RTRAF: variants seen among roughly 807,000 people sequenced by gnomAD.
The protein encoded by RTRAF is tRNA-splicing ligase complex subunit RTRAF.
In RTRAF, 14 loss-of-function variants were observed where a neutral mutation model predicts 34.4. The observed-to-expected ratio is 0.41, with a 90% confidence interval of 0.27 to 0.64. The LOEUF is 0.64. Ranked by LOEUF, RTRAF falls within the 30% of genes least tolerant of loss-of-function variation. RTRAF has a pLI of 0.34. For missense variants in RTRAF, 291 were observed against 288.4 expected, an observed-to-expected ratio of 1.01 and a Z score of -0.06; for synonymous variants, 96 against 95.3, an observed-to-expected ratio of 1.01 and a Z score of -0.04.
At chr14:51,989,771 C>G in intron 1 of RTRAF, 71 bp downstream of exon 1, 3 of 1,451,998 alleles carry the variant, frequency 2.1e-6, no homozygotes, top group South Asian at 1.3e-5. Context: ...GTGCCCGCAC[C>G]CCACCTCCCC....
chr14:51,998,533 C>T lies in RTRAF; in HGVS notation c.326C>T (p.Thr109Ile). 6.3e-7 allele frequency: 1 copy of T among 1,591,232 alleles called. No individual in the cohort carries two copies. Among genetic ancestry groups the T allele is most frequent in the Non-Finnish European group, 8.6e-7 (1 of 1,168,684 alleles). The stretch of plus-strand genomic sequence containing the variant: ...GATTTAGTACCTGATAATTCAAAAA[C>T]TGCTGACAATGCAACTAAAAATGCA... ...YKDLVPDNSK[T>I]ADNATKNAEP... The change falls in exon 4 of 8, where the codon ACT (threonine) becomes ATT (isoleucine). Residue 109 changes from threonine to isoleucine, a missense_variant. By Grantham distance (89) the Thr-to-Ile change is moderately conservative. Coordinates refer to ENST00000261700, the MANE Select transcript of RTRAF (RefSeq NM_016039.3).
chr14:51,990,733 A>G (rs1300438294), intron 1 of RTRAF, among the ~76,000 whole-genome samples: 2 of 152,210 alleles, frequency 1.3e-5, no homozygotes, highest in Non-Finnish European at 2.9e-5. Context: ...TAAACGAAAC[A>G]ATTATGCACT....
chr14:51,998,391 C>T, intron 3 of RTRAF, 103 bp from the exon 4 acceptor site: 1 of 614,026 alleles, frequency 1.6e-6, no homozygotes, highest in Non-Finnish European at 2.8e-6. Context: ...GTAAGGGAAA[C>T]TCAACCTGTA....
intron 3 of RTRAF, among the ~76,000 whole-genome samples, chr14:51,995,500 T>C (rs972188729): frequency 1.8e-4 from 27 of 152,252 alleles, no homozygotes; most frequent in African/African-American, 6.5e-4. Context: ...TCCTTAATTT[T>C]ATCATATTTG....
rs1890967166 is a variant in RTRAF at position 52,010,422 on chromosome 14, A to G, written c.*5906A>G. ...GTTTATCTTGATTTCTGCTACAGCA[A>G]CACTGAAGCCAGAGGTGTCTGAGCT... On this transcript the variant is annotated 3_prime_UTR_variant, in exon 8 of 8. Transcript: ENST00000261700. 4 of 154,876 alleles carry G rather than the reference A, an allele frequency of 2.6e-5. No individual in the cohort carries two copies. In the South Asian group the frequency reaches 8.0e-4, roughly 31 times the overall value. 9.6% of individuals were successfully genotyped at this position (154,876 alleles called of 1,614,324 possible). A position where few individuals can be genotyped will look rare whatever the true frequency, so the allele number is the denominator to read the frequency against.
At chr14:51,995,078 A>G (rs987665209) in intron 3 of RTRAF, among the ~76,000 whole-genome samples, 3 of 152,076 alleles carry the variant, frequency 2.0e-5, no homozygotes, top group African/African-American at 7.2e-5. Flanking sequence ...TTTTGCTTCT[A>G]TGTCTTATTC....
At position 52,002,139 on chromosome 14, in the gene RTRAF, C is replaced by A. The variant is rs184971107; in HGVS notation, c.531+273C>A. Among the ~76,000 whole-genome samples, 50 of 152,162 alleles carry A rather than the reference C, an allele frequency of 3.3e-4. 1 individual carries two copies. In the East Asian group the frequency reaches 5.2e-3, roughly 16 times the overall value. On this transcript the variant is annotated intron_variant, in intron 6 of 7. Transcript: ENST00000261700. Reference sequence around the variant, plus strand: ...CAGTCCACAAATCATGCTTGTGGCCCGTTGAAGTTTATTTAAAATGAGTTA... The same window carrying A: ...CAGTCCACAAATCATGCTTGTGGCCAGTTGAAGTTTATTTAAAATGAGTTA...
At chr14:52,000,587 C>G (rs1183626487) in intron 5 of RTRAF, among the ~76,000 whole-genome samples, 1 of 152,100 alleles carries the variant, frequency 6.6e-6, no homozygotes, top group South Asian at 2.1e-4. Flanking sequence ...CCATAACTTA[C>G]CATGCTTTTT....
rs1159143541 is a variant in RTRAF, at chr14:52,007,867, A to G, written c.*3351A>G. On this transcript the variant is annotated 3_prime_UTR_variant, in exon 8 of 8. Coordinates refer to ENST00000261700, the MANE Select transcript of RTRAF (RefSeq NM_016039.3). ...GGGTCAAAGGTTAAGCCATTGGGCA[A>G]TCCAATGTCTGTATTGATCAGAATT... The G allele has an allele frequency of 3.1e-6, 5 of 1,613,512 alleles. No homozygotes were observed. Among genetic ancestry groups the G allele is most frequent in the Middle Eastern group, 1.6e-4 (1 of 6,062 alleles).
chr14:51,999,645 A>G lies in RTRAF; in HGVS notation c.374-63A>G, dbSNP rs189158473. 38 of 1,170,326 alleles carry G rather than the reference A, an allele frequency of 3.2e-5. No individual in the cohort carries two copies. In the East Asian group the frequency reaches 6.6e-4, roughly 20 times the overall value. 72.5% of individuals were successfully genotyped at this position (1,170,326 alleles called of 1,614,324 possible). A position where few individuals can be genotyped will look rare whatever the true frequency, so the allele number is the denominator to read the frequency against. ...TTAAAAATGTTTTTGTATGTTCACA[A>G]ATATGTTTGTAATTATACGTTTGCA... On this transcript the variant is annotated intron_variant, in intron 4 of 7. Transcript: ENST00000261700.
intron 1 of RTRAF, among the ~76,000 whole-genome samples, chr14:51,990,830 TTTTAC>T (rs1890421251): frequency 2.0e-5 from 3 of 152,210 alleles, no homozygotes. Context: ...TTGTTGTATA[TTTTAC>T]TTTATTACTT....
rs1890713416 is a variant in RTRAF, at chr14:52,005,191, G to A, written c.*675G>A. The A allele has an allele frequency of 1.1e-5, 3 of 281,282 alleles. No individual in the cohort carries two copies. Among genetic ancestry groups the A allele is most frequent in the Non-Finnish European group, 2.0e-5 (3 of 151,694 alleles). The allele number at this position is 281,282 out of a possible 1,614,324, so 17.4% of individuals were successfully genotyped here. On this transcript the variant is annotated 3_prime_UTR_variant, in exon 8 of 8. Transcript: ENST00000261700. ...CTCTAATTCTTAGTTGAATGAATTTGATCTTTTAAATATTAATGATAAATG... is the reference window on the plus strand; with the variant it reads ...CTCTAATTCTTAGTTGAATGAATTTAATCTTTTAAATATTAATGATAAATG...
rs894268446 is a variant in RTRAF, at chr14:51,991,393, G to C, written c.138G>C (p.Gly46=). 1.9e-6 allele frequency: 3 copies of C among 1,613,494 alleles called. No individual in the cohort carries two copies. Among genetic ancestry groups the C allele is most frequent in the Non-Finnish European group, 2.5e-6 (3 of 1,179,534 alleles). ...KIRHYKIEDR[G]NLRNIHSSDW... is the part of the protein sequence containing the mutation. ...GGCACTACAAGATTGAAGACAGAGG[G>C]AATTTAAGAAACATCCACAGCAGCG... Residue 46 remains glycine, a synonymous_variant, in exon 2 of 8, where the codon GGG becomes GGC. Coordinates refer to ENST00000261700, the MANE Select transcript of RTRAF (RefSeq NM_016039.3).
In RTRAF at chr14:52,005,326, CTTTTCACAAAAGTCT is replaced by C. The variant is rs1890724008; in HGVS notation, c.*815_*829del. 1.9e-6 allele frequency: 1 copy of C among 532,290 alleles called. No homozygotes were observed. The highest frequency in any genetic ancestry group is 3.1e-6 in the Non-Finnish European group (1 of 324,714). The allele number at this position is 532,290 out of a possible 1,614,324, so 33.0% of individuals were successfully genotyped here. On this transcript the variant is annotated 3_prime_UTR_variant, in exon 8 of 8. Transcript: ENST00000261700. ...ACAGTAGTAAAGATTGAGGTATCAG[CTTTTCACAAAAGTCT>C]TTTTGCACTACAAAATGTTCATCTT...
At chr14:52,003,498 A>G (rs780019239) in intron 6 of RTRAF, among the ~76,000 whole-genome samples, 4 of 152,138 alleles carry the variant, frequency 2.6e-5, no homozygotes, top group Non-Finnish European at 5.9e-5. Context: ...TGAAAGATTG[A>G]AAGTACGGGT....
At chr14:52,000,446 G>C (rs1303989516) in intron 5 of RTRAF, among the ~76,000 whole-genome samples, 1 of 152,124 alleles carries the variant, frequency 6.6e-6, no homozygotes, top group Admixed American at 6.5e-5. Context: ...AAAGTACAGT[G>C]GTGTGGATCA....
chr14:51,998,742 G>A (rs1151570), intron 4 of RTRAF, among the ~76,000 whole-genome samples, 162 bp downstream of exon 4: 81,993 of 151,652 alleles, frequency 0.54, 22,425 homozygotes, highest in East Asian at 0.71. Context: ...ATGTTTTTAT[G>A]ATGTGCTTTC....
Position 51,989,625 on chromosome 14 carries a change from C to G in RTRAF, c.-15C>G. On this transcript the variant is annotated 5_prime_UTR_variant, in exon 1 of 8. Transcript: ENST00000261700. Reference sequence around the variant, plus strand: ...CCGGCCGAGGCCCGGGGGACCAGAGCGAGAAGCGGGGACCATGTTCCGACG... The same window carrying G: ...CCGGCCGAGGCCCGGGGGACCAGAGGGAGAAGCGGGGACCATGTTCCGACG... 6.3e-7 allele frequency: 1 copy of G among 1,597,668 alleles called. No individual in the cohort carries two copies. The highest frequency in any genetic ancestry group is 8.5e-7 in the Non-Finnish European group (1 of 1,172,678).
Position 52,009,038 on chromosome 14 carries a change from C to A in RTRAF, c.*4522C>A, listed in dbSNP as rs982553937. ...TGTTGAAAGCACTTTTTATAAAATA[C>A]TATTTTATAAAAGCTATAGAAGCTT... On this transcript the variant is annotated 3_prime_UTR_variant, in exon 8 of 8. Transcript: ENST00000261700. 1 of 152,124 alleles carries A rather than the reference C, an allele frequency of 6.6e-6. No homozygotes were observed. Among genetic ancestry groups the A allele is most frequent in the African/African-American group, 2.4e-5 (1 of 41,416 alleles). The allele number at this position is 152,124 out of a possible 1,614,324, so 9.4% of individuals were successfully genotyped here.
Sources: gnomAD v4.1 joint callset for allele counts (sites outside exome capture counted in the v4.1 genomes callset) on GRCh38, gnomAD v4.1.1 for gene constraint, MANE v1.5 for transcripts, NCBI Gene and HGNC (gene_info 2026-07-23, HGNC 2026-07-21) for gene names.